Variants in ALDH2 observed in about 807,000 individuals in gnomAD.
The protein encoded by ALDH2 is aldehyde dehydrogenase, mitochondrial.
Under a neutral mutation model 59.6 loss-of-function variants are expected in ALDH2, and 44 were observed. That is an observed-to-expected ratio of 0.74 (90% CI 0.58 to 0.95). ALDH2 has a LOEUF of 0.95. Ranked by LOEUF, ALDH2 falls within the 40% of genes least tolerant of loss-of-function variation. The probability of loss-of-function intolerance (pLI) is 0.00; values close to 1 mark genes in which losing one functional copy is unlikely to be tolerated. For synonymous variants in ALDH2, 291 were observed against 284.0 expected, an observed-to-expected ratio of 1.02 and a Z score of -0.25; for missense variants, 570 against 696.3, an observed-to-expected ratio of 0.82 and a Z score of 2.04.
At position 111,814,499 on chromosome 12, in the gene ALDH2, C is replaced by G. The variant is rs1004800009; in HGVS notation, c.*4924C>G. The G allele has an allele frequency of 6.8e-6, 1 of 148,074 alleles. No individual in the cohort carries two copies. 9.2% of individuals were successfully genotyped at this position (148,074 alleles called of 1,614,324 possible). ...AGGTTGCAGTGAGCTAAGATCGCACCACTGCACTCCAGCCTGGGTGACAGA... is the reference window on the plus strand; with the variant it reads ...AGGTTGCAGTGAGCTAAGATCGCACGACTGCACTCCAGCCTGGGTGACAGA... On this transcript the variant is annotated 3_prime_UTR_variant, in exon 13 of 13. Transcript: ENST00000261733.
chr12:111,789,523 A>G (rs79159682), intron 4 of ALDH2, among the ~76,000 whole-genome samples: 1,771 of 150,548 alleles, frequency 0.012, 44 homozygotes, highest in African/African-American at 0.041. Context: ...AAGAAAGAAA[A>G]AAAAAAAATC....
rs1039052862 is a variant in ALDH2 at position 111,811,444 on chromosome 12, T to C, written c.*1869T>C. ...ATCATGTGAAACACCACTCTGTGAT[T>C]TGAGTCTTGACAATGTATTTTCTTT... is the stretch of plus-strand genomic sequence containing the variant. On this transcript the variant is annotated 3_prime_UTR_variant, in exon 13 of 13. Coordinates refer to ENST00000261733, the MANE Select transcript of ALDH2 (RefSeq NM_000690.4). 6.6e-6 allele frequency: 1 copy of C among 152,072 alleles called. No homozygotes were observed. The highest frequency in any genetic ancestry group is 1.5e-5 in the Non-Finnish European group (1 of 68,006). The allele number at this position is 152,072 out of a possible 1,614,324, so 9.4% of individuals were successfully genotyped here.
Position 111,813,003 on chromosome 12 carries a change from C to G in ALDH2, c.*3428C>G, listed in dbSNP as rs1243681023. 3 of 152,150 alleles carry G rather than the reference C, an allele frequency of 2.0e-5. No homozygotes were observed. Among genetic ancestry groups the G allele is most frequent in the Non-Finnish European group, 4.4e-5 (3 of 68,026 alleles). 9.4% of individuals were successfully genotyped at this position (152,150 alleles called of 1,614,324 possible). A position where few individuals can be genotyped will look rare whatever the true frequency, so the allele number is the denominator to read the frequency against. On this transcript the variant is annotated 3_prime_UTR_variant, in exon 13 of 13. Coordinates refer to ENST00000261733, the MANE Select transcript of ALDH2 (RefSeq NM_000690.4). ...ACTGTGAGAGGATCGGCTCTTTTAA[C>G]CAACAGATAAGAAAGGAAATATTAG...
chr12:111,809,581 A>G lies in ALDH2; in HGVS notation c.*6A>G, dbSNP rs1471229395. 1 of 1,614,114 alleles carries G rather than the reference A, an allele frequency of 6.2e-7. No individual in the cohort carries two copies. The highest frequency in any genetic ancestry group is 1.7e-5 in the Admixed American group (1 of 60,008). ...TGCCTCAGAAGAACTCATAAGAATC[A>G]TGCAAGCTTCCTCCCTCAGCCATTG... is the stretch of plus-strand genomic sequence containing the variant. On this transcript the variant is annotated 3_prime_UTR_variant, in exon 13 of 13. Coordinates refer to ENST00000261733, the MANE Select transcript of ALDH2 (RefSeq NM_000690.4).
intron 6 of ALDH2, 106 bp from the exon 7 acceptor site, chr12:111,791,200 C>T (rs556052909): frequency 8.7e-6 from 7 of 808,124 alleles, no homozygotes; most frequent in Admixed American, 2.2e-5. Context: ...CACATGTGTC[C>T]TTGGCAGACT....
chr12:111,789,346 G>A (rs541922147), intron 4 of ALDH2, among the ~76,000 whole-genome samples: 20 of 151,582 alleles, frequency 1.3e-4, no homozygotes, highest in African/African-American at 4.6e-4. Context: ...AAACAAAGAA[G>A]GTCAGGCATG....
chr12:111,805,593 G>T (rs1303440204), intron 12 of ALDH2, among the ~76,000 whole-genome samples: 2 of 152,138 alleles, frequency 1.3e-5, no homozygotes, highest in Non-Finnish European at 2.9e-5. Flanking sequence ...AAAGTGCTGG[G>T]ATTATAGGCA....
intron 1 of ALDH2, among the ~76,000 whole-genome samples, chr12:111,770,871 G>T (rs964311373): frequency 6.6e-6 from 1 of 151,996 alleles, no homozygotes; most frequent in Non-Finnish European, 1.5e-5. Context: ...GGCTGGTCTT[G>T]AACTCCTGGC....
At chr12:111,809,506 G>A (rs1407839082) in intron 12 of ALDH2, 37 bp from the exon 13 acceptor site, 4 of 1,613,470 alleles carry the variant, frequency 2.5e-6, no homozygotes, top group Non-Finnish European at 3.4e-6. Flanking sequence ...TCACAGGGAA[G>A]CAGGAAGATC....
At chr12:111,796,229 G>A (rs2136021627) in intron 9 of ALDH2, among the ~76,000 whole-genome samples, 1 of 152,230 alleles carries the variant, frequency 6.6e-6, no homozygotes, top group South Asian at 2.1e-4. Context: ...GGCTGAGGCA[G>A]GAGAATCACT....
At chr12:111,773,673 T>G (rs1260919183) in intron 1 of ALDH2, among the ~76,000 whole-genome samples, 3 of 152,146 alleles carry the variant, frequency 2.0e-5, no homozygotes, top group Non-Finnish European at 4.4e-5. Context: ...ACTTATAACT[T>G]AATGTGAACT....
At position 111,809,552 on chromosome 12, in the gene ALDH2, A is replaced by G; in HGVS notation, c.1531A>G (p.Lys511Glu). Residue 511 changes from lysine to glutamate, a missense_variant, in exon 13 of 13, where the codon AAA becomes GAA. Coordinates refer to ENST00000261733, the MANE Select transcript of ALDH2 (RefSeq NM_000690.4). ...TCTGTCCCCCTTACAGGTCACAGTC[A>G]AAGTGCCTCAGAAGAACTCATAAGA... is the stretch of plus-strand genomic sequence containing the variant. Reference protein sequence around the residue: ...AYTEVKTVTVKVPQKNS With the variant: ...AYTEVKTVTVEVPQKNS The G allele has an allele frequency of 6.2e-7, 1 of 1,614,210 alleles. No homozygotes were observed. Among genetic ancestry groups the G allele is most frequent in the Non-Finnish European group, 8.5e-7 (1 of 1,180,040 alleles).
At chr12:111,787,608 C>T (rs1303952585) in intron 4 of ALDH2, among the ~76,000 whole-genome samples, 3 of 152,006 alleles carry the variant, frequency 2.0e-5, no homozygotes, top group Non-Finnish European at 4.4e-5. Flanking sequence ...GACAAGAAAA[C>T]AGTTGGGCCG....
chr12:111,799,341 A>T (rs1311735591), intron 10 of ALDH2, among the ~76,000 whole-genome samples: 1 of 147,098 alleles, frequency 6.8e-6, no homozygotes, highest in Non-Finnish European at 1.5e-5. Flanking sequence ...AATTTTTCTT[A>T]TTTTCAGTAG....
At chr12:111,801,028 G>T (rs1229933642) in intron 11 of ALDH2, among the ~76,000 whole-genome samples, 1 of 152,234 alleles carries the variant, frequency 6.6e-6, no homozygotes, top group Admixed American at 6.5e-5. Flanking sequence ...TTCTCACACT[G>T]CTGGTAAAGA....
intron 2 of ALDH2, 28 bp downstream of exon 2, chr12:111,782,050 A>G: frequency 6.5e-7 from 1 of 1,541,238 alleles, no homozygotes; most frequent in Non-Finnish European, 9.0e-7. Flanking sequence ...ACCTTGGGGG[A>G]GGGATGGATT....
intron 1 of ALDH2, among the ~76,000 whole-genome samples, chr12:111,776,247 A>C (rs2068233735): frequency 6.6e-6 from 1 of 152,190 alleles, no homozygotes; most frequent in Admixed American, 6.5e-5. Context: ...GGAACAACAT[A>C]AAGAGTATAG....
chr12:111,789,143 G>A (rs1391672545), intron 4 of ALDH2, among the ~76,000 whole-genome samples: 1 of 147,798 alleles, frequency 6.8e-6, no homozygotes, highest in African/African-American at 2.5e-5. Flanking sequence ...TCAGCCTCCC[G>A]AGGTGCTGGG....
rs577280770 is a variant in ALDH2, at chr12:111,795,663, C to T, written c.1084-2415C>T. Among the ~76,000 whole-genome samples the T allele has an allele frequency of 4.0e-5, 6 of 149,594 alleles. No individual in the cohort carries two copies. The South Asian group carries it at 8.5e-4, about 21-fold the overall frequency. On this transcript the variant is annotated intron_variant, in intron 9 of 12. Coordinates refer to ENST00000261733, the MANE Select transcript of ALDH2 (RefSeq NM_000690.4). ...CTGGAGTACAGTGGCACGATCTCGG[C>T]TCACTGCAACCTCCGTCTCCCAGGT...
Sources: allele counts gnomAD v4.1 joint callset (sites outside exome capture counted in the v4.1 genomes callset), GRCh38; gene constraint gnomAD v4.1.1; transcripts MANE v1.5; gene names NCBI Gene and HGNC (gene_info 2026-07-23, HGNC 2026-07-21).